The following CDH19 variants were observed in gnomAD, a reference collection of about 807,000 sequenced individuals.
CDH19 encodes cadherin 19.
Under a neutral mutation model 64.2 loss-of-function variants are expected in CDH19, and 67 were observed. The ratio of observed to expected loss-of-function variants is 1.04; its 90% CI spans 0.86 to 1.28. The LOEUF (loss-of-function observed/expected upper bound fraction) is 1.28, where lower values mean the gene tolerates loss of function less well. CDH19 is among the 50% of genes most tolerant of loss of function. The probability of loss-of-function intolerance (pLI) is 0.00; values close to 1 mark genes in which losing one functional copy is unlikely to be tolerated. For missense variants in CDH19, 1,030 were observed against 929.0 expected, an observed-to-expected ratio of 1.11 and a Z score of -1.41; for synonymous variants, 346 against 319.3, an observed-to-expected ratio of 1.08 and a Z score of -0.89.
intron 8 of CDH19, chr18:66,532,551 G>A: frequency 3.4e-6 from 1 of 293,512 alleles, no homozygotes; most frequent in Non-Finnish European, 6.7e-6. Flanking sequence ...GAAAAAAAAA[G>A]CTTTGTATGT....
At chr18:66,544,615 C>T in intron 6 of CDH19, 104 bp downstream of exon 6, 1 of 707,222 alleles carries the variant, frequency 1.4e-6, no homozygotes, top group South Asian at 2.5e-5. Flanking sequence ...ATTACTGGTT[C>T]TCATTTCAAT....
At chr18:66,520,246 G>A (rs1046994258) in intron 9 of CDH19, among the ~76,000 whole-genome samples, 3 of 151,218 alleles carry the variant, frequency 2.0e-5, no homozygotes, top group African/African-American at 7.3e-5. Flanking sequence ...CCAATCGAAA[G>A]AGAAATAGAG....
chr18:66,540,724 C>T (rs184537633), intron 7 of CDH19, among the ~76,000 whole-genome samples: 4 of 152,066 alleles, frequency 2.6e-5, no homozygotes, highest in Non-Finnish European at 5.9e-5. Flanking sequence ...CTCGTACCCA[C>T]CTAATACCAT....
intron 9 of CDH19, among the ~76,000 whole-genome samples, chr18:66,528,398 T>C (rs371228781): frequency 6.6e-5 from 10 of 152,240 alleles, no homozygotes; most frequent in African/African-American, 1.9e-4. Context: ...AATAGTTCAA[T>C]TTTGGTTCTA....
rs762182048 is a variant in CDH19 at position 66,551,231 on chromosome 18, T to A, written c.638A>T (p.Asp213Val). 1.3e-6 allele frequency: 2 copies of A among 1,543,952 alleles called. No homozygotes were observed. Among genetic ancestry groups the A allele is most frequent in the Non-Finnish European group, 1.8e-6 (2 of 1,118,002 alleles). ...TGVIRISSKM[D>V]RELQDEYWVI... ...CCAATACTCATCTTGCAGTTCTCTATCCATTTTAGAAGATATTCTTATGAC... is the reference window on the plus strand; with the variant it reads ...CCAATACTCATCTTGCAGTTCTCTAACCATTTTAGAAGATATTCTTATGAC... Residue 213 changes from aspartate (D) to valine (V), a missense_variant, in exon 5 of 12, where the codon GAT (aspartate) becomes GTT (valine). By Grantham distance (152) the Asp-to-Val change is radical. Transcript: ENST00000262150.
intron 3 of CDH19, among the ~76,000 whole-genome samples, chr18:66,556,532 T>G (rs1987526552): frequency 6.6e-6 from 1 of 151,906 alleles, no homozygotes. Flanking sequence ...TTTTATTCTG[T>G]GTCTGGCTTA....
chr18:66,578,055 G>A (rs1988316130), intron 1 of CDH19, among the ~76,000 whole-genome samples: 2 of 151,760 alleles, frequency 1.3e-5, no homozygotes, highest in Non-Finnish European at 2.9e-5. Flanking sequence ...AGTCCACTTG[G>A]ATAATACAGG....
chr18:66,510,322 C>G (rs10164225), intron 10 of CDH19, among the ~76,000 whole-genome samples: 3 of 150,678 alleles, frequency 2.0e-5, no homozygotes, highest in African/African-American at 7.3e-5. Context: ...TTTAAATATG[C>G]GTTTTATTAA....
At chr18:66,592,414 T>G (rs1002197753) in intron 1 of CDH19, among the ~76,000 whole-genome samples, 6 of 151,806 alleles carry the variant, frequency 4.0e-5, no homozygotes, top group Non-Finnish European at 7.4e-5. Context: ...CCTAGCTTTT[T>G]AAAAAGTATA....
intron 1 of CDH19, among the ~76,000 whole-genome samples, chr18:66,600,098 C>G (rs113028033): frequency 0.019 from 2,840 of 151,876 alleles, 94 homozygotes; most frequent in South Asian, 0.1. Context: ...AACATACTTT[C>G]TTTTAGTACT....
chr18:66,563,785 T>C (rs1987808403), intron 3 of CDH19, among the ~76,000 whole-genome samples: 1 of 151,990 alleles, frequency 6.6e-6, no homozygotes, highest in Admixed American at 6.6e-5. Context: ...CTTGTCATCT[T>C]AACTGGGCAA....
At position 66,544,780 on chromosome 18, in the gene CDH19, G is replaced by T; in HGVS notation, c.899C>A (p.Ser300Ter). The change falls in exon 6 of 12, where the codon TCG becomes TAG. Residue 300 changes from serine to a stop codon, truncating the protein, a stop_gained. Transcript: ENST00000262150. LOFTEE classifies it high-confidence loss of function. ...EMDYSIEEDD[S>*]QTFDIITNHE... is the part of the protein sequence containing the mutation. ...ATTAGTAATAATGTCAAATGTTTGC[G>T]AATCATCCTCTTCAATGCTGTAATC... is the stretch of plus-strand genomic sequence containing the variant. 1 of 1,611,282 alleles carries T rather than the reference G, an allele frequency of 6.2e-7. No individual in the cohort carries two copies. The highest frequency in any genetic ancestry group is 8.5e-7 in the Non-Finnish European group (1 of 1,177,894).
At chr18:66,548,991 G>A (rs1599005359) in intron 5 of CDH19, among the ~76,000 whole-genome samples, 1 of 152,080 alleles carries the variant, frequency 6.6e-6, no homozygotes, top group Non-Finnish European at 1.5e-5. Flanking sequence ...GGTAGGAAGT[G>A]TTGCCCACAA....
At chr18:66,506,637 C>T (rs911079221) in intron 11 of CDH19, among the ~76,000 whole-genome samples, 4 of 151,604 alleles carry the variant, frequency 2.6e-5, no homozygotes, top group African/African-American at 7.3e-5. Context: ...AAATTCAGAA[C>T]ACTTTTGCTT....
intron 1 of CDH19, among the ~76,000 whole-genome samples, chr18:66,594,515 A>G (rs946591139): frequency 1.3e-5 from 2 of 152,082 alleles, no homozygotes; most frequent in Admixed American, 6.6e-5. Context: ...ACACTTGGCC[A>G]TAAAGCAATT....
chr18:66,598,047 AT>A (rs761310499), intron 1 of CDH19, among the ~76,000 whole-genome samples: 12 of 152,172 alleles, frequency 7.9e-5, no homozygotes, highest in African/African-American at 1.7e-4. Context: ...ATAAAAAAAA[AT>A]ATTCCAAATA....
At chr18:66,593,038 C>G (rs1988787646) in intron 1 of CDH19, among the ~76,000 whole-genome samples, 1 of 151,724 alleles carries the variant, frequency 6.6e-6, no homozygotes, top group Non-Finnish European at 1.5e-5. Context: ...GAAGGAGTTC[C>G]ATTTTCTCCA....
chr18:66,554,492 C>T lies in CDH19; in HGVS notation c.523G>A (p.Ala175Thr). 1 of 1,610,888 alleles carries T rather than the reference C, an allele frequency of 6.2e-7. No individual in the cohort carries two copies. Among genetic ancestry groups the T allele is most frequent in the Non-Finnish European group, 8.5e-7 (1 of 1,177,686 alleles). The change falls in exon 4 of 12, where the codon GCT becomes ACT. Residue 175 changes from alanine (A) to threonine (T), a missense_variant. Coordinates refer to ENST00000262150, the MANE Select transcript of CDH19 (RefSeq NM_021153.4). ...TTATTACCACTTGAGGGATCGTCAG[C>T]ATCACTTGCTGTCACCTGGATAACT... Reference protein sequence around the residue: ...TLVIQVTASDADDPSSGNNAR... With the variant: ...TLVIQVTASDTDDPSSGNNAR...
At chr18:66,508,486 A>C (rs1985310844) in intron 11 of CDH19, among the ~76,000 whole-genome samples, 1 of 151,792 alleles carries the variant, frequency 6.6e-6, no homozygotes, top group Admixed American at 6.6e-5. Context: ...ATCTTAGCAC[A>C]TCATTTTCTA....
Sources: gnomAD v4.1 joint callset for allele counts (sites outside exome capture counted in the v4.1 genomes callset) on GRCh38, gnomAD v4.1.1 for gene constraint, MANE v1.5 for transcripts, NCBI Gene and HGNC (gene_info 2026-07-23, HGNC 2026-07-21) for gene names.